The following DSCAM variants were observed in gnomAD, a reference collection of about 807,000 sequenced individuals.
DSCAM encodes cell adhesion molecule DSCAM.
A neutral mutation model predicts 217.7 loss-of-function variants in DSCAM; 47 were observed. That is an observed-to-expected ratio of 0.22 (90% CI 0.17 to 0.28). The LOEUF is 0.28. DSCAM is among the 10% of genes least tolerant of loss of function. DSCAM has a pLI of 1.00. For synonymous variants in DSCAM, 1,056 were observed against 1,015.3 expected, an observed-to-expected ratio of 1.04 and a Z score of -0.76; for missense variants, 2,080 against 2,618.3, an observed-to-expected ratio of 0.79 and a Z score of 4.49.
intron 3 of DSCAM, among the ~76,000 whole-genome samples, chr21:40,534,656 T>C (rs926492377): frequency 2.0e-5 from 3 of 152,206 alleles, no homozygotes; most frequent in Admixed American, 6.5e-5. Context: ...AAAAACATTC[T>C]TTACATTTGA....
intron 3 of DSCAM, among the ~76,000 whole-genome samples, chr21:40,392,880 T>A (rs192102841): frequency 1.3e-5 from 2 of 152,256 alleles, no homozygotes; most frequent in African/African-American, 4.8e-5. Flanking sequence ...AGGTCAACTG[T>A]TAATCATGAA....
chr21:40,431,329 A>G (rs1194856748), intron 3 of DSCAM, among the ~76,000 whole-genome samples: 2 of 152,168 alleles, frequency 1.3e-5, no homozygotes, highest in Admixed American at 6.5e-5. Flanking sequence ...CAATATGAAG[A>G]CAATGAGGAC....
chr21:40,378,787 G>A (rs1156444279), intron 3 of DSCAM, among the ~76,000 whole-genome samples: 1 of 151,322 alleles, frequency 6.6e-6, no homozygotes, highest in African/African-American at 2.4e-5. Context: ...TAGAGACGGG[G>A]TTTCACCGTG....
chr21:40,265,276 A>C (rs1304583769), intron 11 of DSCAM, among the ~76,000 whole-genome samples: 2 of 152,082 alleles, frequency 1.3e-5, no homozygotes, highest in Non-Finnish European at 2.9e-5. Context: ...AAAACACTTA[A>C]TAAATATACT....
rs558212265 is a variant in DSCAM at position 40,201,475 on chromosome 21, C to A, written c.2357-12237G>T. Among the ~76,000 whole-genome samples, 4 of 151,922 alleles carry A rather than the reference C, an allele frequency of 2.6e-5. No homozygotes were observed. The East Asian group carries it at 7.8e-4, about 30-fold the overall frequency. On this transcript the variant is annotated intron_variant, in intron 11 of 32. Coordinates refer to ENST00000400454, the MANE Select transcript of DSCAM (RefSeq NM_001389.5). The stretch of plus-strand genomic sequence containing the variant: ...TTTATTTATTAGACGGAGTTTCACT[C>A]TTGTTGACCAAGCTGGAGTGCAGTG...
At chr21:40,615,042 G>A (rs912667255) in intron 3 of DSCAM, among the ~76,000 whole-genome samples, 39 of 151,620 alleles carry the variant, frequency 2.6e-4, no homozygotes, top group Non-Finnish European at 4.4e-4. Flanking sequence ...AGTGGCTCAC[G>A]CCTGTAATCC....
chr21:40,208,507 G>A (rs1427732989), intron 11 of DSCAM, among the ~76,000 whole-genome samples: 1 of 152,194 alleles, frequency 6.6e-6, no homozygotes, highest in Non-Finnish European at 1.5e-5. Flanking sequence ...AGGGTTTTCG[G>A]TTGAGCATGG....
intron 1 of DSCAM, among the ~76,000 whole-genome samples, chr21:40,819,367 G>C (rs2091908511): frequency 6.6e-6 from 1 of 152,192 alleles, no homozygotes; most frequent in African/African-American, 2.4e-5. Context: ...ACCTTCCCCA[G>C]ACAGTGGGGG....
At chr21:40,752,324 G>A (rs946383652) in intron 1 of DSCAM, among the ~76,000 whole-genome samples, 1 of 152,100 alleles carries the variant, frequency 6.6e-6, no homozygotes, top group Non-Finnish European at 1.5e-5. Flanking sequence ...CCCTCCCCTA[G>A]GTCGGCTTAA....
chr21:40,291,096 C>T (rs1471578462), intron 10 of DSCAM, among the ~76,000 whole-genome samples: 2 of 152,202 alleles, frequency 1.3e-5, no homozygotes, highest in East Asian at 3.9e-4. Flanking sequence ...CTGTCACCGG[C>T]ACTTCCACTA....
intron 3 of DSCAM, among the ~76,000 whole-genome samples, chr21:40,512,700 G>A (rs2076269179): frequency 6.6e-6 from 1 of 151,858 alleles, no homozygotes; most frequent in South Asian, 2.1e-4. Context: ...TAAAGTTATA[G>A]TACTGTATAG....
At chr21:40,810,896 C>A (rs548713758) in intron 1 of DSCAM, among the ~76,000 whole-genome samples, 1 of 148,542 alleles carries the variant, frequency 6.7e-6, no homozygotes, top group Admixed American at 6.9e-5. Flanking sequence ...CAGAGCAAGA[C>A]CCTGTCTCTA....
In DSCAM at chr21:40,826,383, C is replaced by G. The variant is rs1182381310; in HGVS notation, c.43+20236G>C. ...TGTGGAGGGGGTGGGGTGGGCCAGC[C>G]CAAGCCAGGCCATGGAAGGGGTTTG... On this transcript the variant is annotated intron_variant, in intron 1 of 32. Coordinates refer to ENST00000400454, the MANE Select transcript of DSCAM (RefSeq NM_001389.5). Among the ~76,000 whole-genome samples, 5 of 152,284 alleles carry G rather than the reference C, an allele frequency of 3.3e-5. No individual in the cohort carries two copies. The East Asian group carries it at 9.7e-4, about 29-fold the overall frequency.
intron 1 of DSCAM, among the ~76,000 whole-genome samples, chr21:40,825,013 A>G (rs986676977): frequency 6.6e-6 from 1 of 152,238 alleles, no homozygotes; most frequent in African/African-American, 2.4e-5. Context: ...ACACCCTTTT[A>G]GAAGCTGTGA....
intron 3 of DSCAM, among the ~76,000 whole-genome samples, chr21:40,663,770 A>C (rs1448744977): frequency 6.6e-6 from 1 of 152,198 alleles, no homozygotes; most frequent in Non-Finnish European, 1.5e-5. Flanking sequence ...ACTGACAGCA[A>C]GAGTGAGAGG....
chr21:40,638,463 A>G (rs2089835838), intron 3 of DSCAM, among the ~76,000 whole-genome samples: 1 of 152,200 alleles, frequency 6.6e-6, no homozygotes, highest in Non-Finnish European at 1.5e-5. Context: ...TTAGAATTCA[A>G]GCTGGATTTG....
intron 3 of DSCAM, among the ~76,000 whole-genome samples, chr21:40,399,815 C>A (rs1055837908): frequency 2.0e-5 from 3 of 152,248 alleles, no homozygotes; most frequent in African/African-American, 7.2e-5. Context: ...AAACCTCACA[C>A]TGCCCTTAAG....
rs140051841 is a variant in DSCAM at position 40,720,587 on chromosome 21, T to C, written c.44-11816A>G. Among the ~76,000 whole-genome samples, 492 of 152,116 alleles carry C rather than the reference T, an allele frequency of 3.2e-3. 6 individuals are homozygous for C. Among genetic ancestry groups the C allele is most frequent in the African/African-American group, 0.011 (444 of 41,498 alleles). ...CATCACTTAGAAATATGAAATTCTG[T>C]CTCTGTCCATCATAAAACAACAAAC... On this transcript the variant is annotated intron_variant, in intron 1 of 32. Coordinates refer to ENST00000400454, the MANE Select transcript of DSCAM (RefSeq NM_001389.5).
chr21:40,340,334 T>C (rs988830795), intron 6 of DSCAM, among the ~76,000 whole-genome samples: 6 of 152,194 alleles, frequency 3.9e-5, no homozygotes, highest in African/African-American at 1.4e-4. Context: ...ATTTTCATAT[T>C]CCATTATTTT....
Sources: allele counts gnomAD v4.1 joint callset (sites outside exome capture counted in the v4.1 genomes callset), GRCh38; gene constraint gnomAD v4.1.1; transcripts MANE v1.5; gene names NCBI Gene and HGNC (gene_info 2026-07-23, HGNC 2026-07-21).